KCNMA1: variants seen among roughly 807,000 people sequenced by gnomAD.
The protein encoded by KCNMA1 is potassium calcium-activated channel subfamily M alpha 1, also known as Calcium-activated potassium channel subunit alpha-1.
KCNMA1 carries 29 observed loss-of-function variants against 140.0 expected under a neutral mutation model. That is an observed-to-expected ratio of 0.21 (90% CI 0.15 to 0.28). The LOEUF is 0.28. Among genes scored for constraint, KCNMA1 ranks in the 10% least tolerant of loss-of-function variants. KCNMA1 has a pLI of 1.00. For synonymous variants in KCNMA1, 612 were observed against 611.9 expected (o/e 1.00, Z 0.00); for missense variants, 880 against 1,602.2 (o/e 0.55, Z 7.70).
chr10:77,416,477 C>T (rs1330746110), intron 1 of KCNMA1, among the ~76,000 whole-genome samples: 1 of 152,208 alleles, frequency 6.6e-6, no homozygotes, highest in Non-Finnish European at 1.5e-5. Flanking sequence ...AGCCACCACC[C>T]AAGGGGCAAC....
chr10:76,978,416 C>A (rs1014842665), intron 19 of KCNMA1: 1 of 152,168 alleles, frequency 6.6e-6, no homozygotes, highest in Non-Finnish European at 1.5e-5. Context: ...TTATAATTAT[C>A]CTTGATTTTT....
At chr10:77,433,434 T>C (rs2154496804) in intron 1 of KCNMA1, 1 of 152,342 alleles carries the variant, frequency 6.6e-6, no homozygotes, top group South Asian at 2.1e-4. Context: ...ATTACAGGCA[T>C]GAGCCACTGT....
intron 2 of KCNMA1, among the ~76,000 whole-genome samples, chr10:77,400,783 C>G (rs1006616208): frequency 2.0e-5 from 3 of 152,072 alleles, no homozygotes; most frequent in Admixed American, 2.0e-4. Context: ...ATTGTCCTTC[C>G]CCTTCAAACT....
intron 19 of KCNMA1, among the ~76,000 whole-genome samples, chr10:76,972,158 C>G (rs1225483169): frequency 6.6e-6 from 1 of 152,160 alleles, no homozygotes; most frequent in African/African-American, 2.4e-5. Context: ...GAGCAAATAA[C>G]ACGTGTGTGT....
intron 23 of KCNMA1, among the ~76,000 whole-genome samples, chr10:76,931,517 G>GAA (rs57206850): frequency 9.3e-4 from 123 of 131,936 alleles, no homozygotes; most frequent in African/African-American, 3.0e-3. Context: ...ACTGTTTTAA[G>GAA]AAAAAAAAAA....
chr10:77,144,262 T>C (rs2098244052), intron 5 of KCNMA1, among the ~76,000 whole-genome samples: 1 of 152,126 alleles, frequency 6.6e-6, no homozygotes, highest in Non-Finnish European at 1.5e-5. Flanking sequence ...TATTAATATA[T>C]ACAACAATAT....
Position 77,011,953 on chromosome 10 carries a change from G to A in KCNMA1, c.2092+14C>T. The stretch of plus-strand genomic sequence containing the variant: ...ATGAGAAAGGGAGGGGACAGGGAGA[G>A]AAACACTACTTACGCCGTTTGCAGC... On this transcript the variant is annotated intron_variant, in intron 18 of 27. Transcript: ENST00000286628. 1 of 1,610,722 alleles carries A rather than the reference G, an allele frequency of 6.2e-7. No homozygotes were observed. The highest frequency in any genetic ancestry group is 8.5e-7 in the Non-Finnish European group (1 of 1,176,960).
intron 1 of KCNMA1, among the ~76,000 whole-genome samples, chr10:77,413,369 C>T (rs1296171974): frequency 6.6e-6 from 1 of 152,124 alleles, no homozygotes; most frequent in Non-Finnish European, 1.5e-5. Flanking sequence ...TGTCCCCCCT[C>T]CCATGCCAAA....
chr10:77,089,322 C>T (rs987549897), intron 10 of KCNMA1, among the ~76,000 whole-genome samples: 3 of 152,140 alleles, frequency 2.0e-5, no homozygotes, highest in Non-Finnish European at 2.9e-5. Flanking sequence ...GTCAACAGCA[C>T]GTCAAGCCAG....
chr10:77,359,096 C>T (rs2093732072), intron 2 of KCNMA1, among the ~76,000 whole-genome samples: 3 of 152,204 alleles, frequency 2.0e-5, no homozygotes, highest in South Asian at 4.1e-4. Flanking sequence ...AAAGGAGACT[C>T]GTTCACACCC....
chr10:76,920,012 G>GTA lies in KCNMA1; in HGVS notation c.2903-4964_2903-4963insTA, dbSNP rs1168798450. 7.4e-4 allele frequency among the ~76,000 whole-genome samples: 38 copies of GTA among 51,496 alleles called. No homozygotes were observed. The East Asian group carries it at 8.8e-3, about 12-fold the overall frequency. 33.8% of individuals were successfully genotyped at this position (51,496 alleles called of 152,430 possible). A position where few individuals can be genotyped will look rare whatever the true frequency, so the allele number is the denominator to read the frequency against. On this transcript the variant is annotated intron_variant, in intron 23 of 27. Coordinates refer to ENST00000286628, the MANE Select transcript of KCNMA1 (RefSeq NM_001161352.2). The stretch of plus-strand genomic sequence containing the variant: ...TGTGTGTGTGTGTGTGTGTGTGTGT[G>GTA]TGTGTGTGTATATATATATATATAT...
At chr10:77,517,521 G>T (rs1291911926) in intron 1 of KCNMA1, among the ~76,000 whole-genome samples, 1 of 152,216 alleles carries the variant, frequency 6.6e-6, no homozygotes, top group Non-Finnish European at 1.5e-5. Flanking sequence ...GGAGCAGCCA[G>T]GCTGGGGATG....
chr10:77,637,196 GT>G, intron 1 of KCNMA1, 68 bp downstream of exon 1: 4 of 1,416,184 alleles, frequency 2.8e-6, no homozygotes. Flanking sequence ...GAGCGAGGAG[GT>G]GGGCTGCAGG....
At chr10:77,390,199 G>A (rs564035519) in intron 2 of KCNMA1, among the ~76,000 whole-genome samples, 167 of 152,164 alleles carry the variant, frequency 1.1e-3, no homozygotes, top group Admixed American at 3.8e-3. Context: ...CCTTGGAGAG[G>A]GAATTGACTT....
Position 76,886,219 on chromosome 10 carries a change from A to G in KCNMA1, c.*1047T>C, listed in dbSNP as rs1028679806. On this transcript the variant is annotated 3_prime_UTR_variant, in exon 28 of 28. Coordinates refer to ENST00000286628, the MANE Select transcript of KCNMA1 (RefSeq NM_001161352.2). Reference sequence around the variant, plus strand: ...GCCCCAGCCCTTCCTCCTACCTGGCATTGGGGCCCTAACTAATCAAACAAA... The same window carrying G: ...GCCCCAGCCCTTCCTCCTACCTGGCGTTGGGGCCCTAACTAATCAAACAAA... 2 of 985,238 alleles carry G rather than the reference A, an allele frequency of 2.0e-6. No individual in the cohort carries two copies. Among genetic ancestry groups the G allele is most frequent in the East Asian group, 1.1e-4 (1 of 8,820 alleles). 61.0% of individuals were successfully genotyped at this position (985,238 alleles called of 1,614,324 possible).
intron 9 of KCNMA1, among the ~76,000 whole-genome samples, chr10:77,098,575 TAAA>T (rs11443814): frequency 7.0e-6 from 1 of 143,868 alleles, no homozygotes; most frequent in African/African-American, 2.6e-5. Context: ...CCCTAACCTT[TAAA>T]AAAAAAAAAC....
At chr10:77,295,608 C>T (rs1358743425) in intron 2 of KCNMA1, among the ~76,000 whole-genome samples, 1 of 149,972 alleles carries the variant, frequency 6.7e-6, no homozygotes, top group Non-Finnish European at 1.5e-5. Context: ...GGTGAAACCC[C>T]GTCTCTACTA....
At chr10:76,940,998 A>AAAGGAAGGAAGG (rs752766663) in intron 23 of KCNMA1, among the ~76,000 whole-genome samples, 8,493 of 61,444 alleles carry the variant, frequency 0.14, 1,924 homozygotes, top group Non-Finnish European at 0.2. Context: ...AGAGAGAAAG[A>AAAGGAAGGAAGG]AAGGAAGGAA....
chr10:77,128,555 G>T (rs1445865165), intron 5 of KCNMA1, among the ~76,000 whole-genome samples: 4 of 151,924 alleles, frequency 2.6e-5, no homozygotes, highest in Non-Finnish European at 5.9e-5. Flanking sequence ...TAATGGGCGT[G>T]GGGTACATTC....
Sources: allele counts gnomAD v4.1 joint callset (sites outside exome capture counted in the v4.1 genomes callset), GRCh38; gene constraint gnomAD v4.1.1; transcripts MANE v1.5; gene names NCBI Gene and HGNC (gene_info 2026-07-23, HGNC 2026-07-21).